The following NGLY1 variants were observed in gnomAD, a reference collection of about 807,000 sequenced individuals.
The protein encoded by NGLY1 is peptide-N(4)-(N-acetyl-beta-glucosaminyl)asparagine amidase.
A neutral mutation model predicts 84.6 loss-of-function variants in NGLY1; 68 were observed. The observed-to-expected ratio is 0.80, with a 90% confidence interval of 0.66 to 0.98. NGLY1 has a LOEUF of 0.98. Ranked by LOEUF, NGLY1 falls within the 50% of genes least tolerant of loss-of-function variation. The pLI, the probability that NGLY1 is intolerant of heterozygous loss-of-function variation, is 0.00. For synonymous variants in NGLY1, 280 were observed against 275.2 expected, an observed-to-expected ratio of 1.02 and a Z score of -0.17; for missense variants, 779 against 770.2, an observed-to-expected ratio of 1.01 and a Z score of -0.14.
At chr3:25,769,814 A>G (rs1290886728) in intron 2 of NGLY1, among the ~76,000 whole-genome samples, 2 of 151,828 alleles carry the variant, frequency 1.3e-5, no homozygotes, top group Non-Finnish European at 2.9e-5. Flanking sequence ...TTTTATTTCA[A>G]TAGGTTTTTG....
chr3:25,769,701 C>T (rs2968162), intron 2 of NGLY1, among the ~76,000 whole-genome samples: 124,224 of 152,134 alleles, frequency 0.82, 51,077 homozygotes, highest in East Asian at 0.94. Flanking sequence ...GCTAGGCACA[C>T]ATCCAAAAAA....
chr3:25,789,639 C>A (rs1200277034), intron 1 of NGLY1: 12 of 597,496 alleles, frequency 2.0e-5, no homozygotes, highest in Non-Finnish European at 3.3e-5. Flanking sequence ...ACAAGATACA[C>A]AACAAATTTC....
chr3:25,772,028 CTT>C (rs1170297367), intron 2 of NGLY1, among the ~76,000 whole-genome samples: 3 of 152,116 alleles, frequency 2.0e-5, no homozygotes, highest in East Asian at 1.9e-4. Flanking sequence ...ATTTCTTTCT[CTT>C]GTCTGACTGC....
At chr3:25,754,770 CATT>C (rs1423024662) in intron 3 of NGLY1, among the ~76,000 whole-genome samples, 1 of 141,146 alleles carries the variant, frequency 7.1e-6, no homozygotes, top group Non-Finnish European at 1.5e-5. Context: ...GAAAAGAACA[CATT>C]AGAGATGACT....
intron 2 of NGLY1, among the ~76,000 whole-genome samples, chr3:25,768,561 C>CTT (rs752193155): frequency 2.5e-4 from 29 of 116,308 alleles, no homozygotes; most frequent in South Asian, 9.2e-4. Context: ...ATAAGTAAGA[C>CTT]TTTTTTTTTT....
exon 1 of NGLY1, chr3:25,789,952 C>G: frequency 6.6e-7 from 1 of 1,506,338 alleles, no homozygotes. Flanking sequence ...TACCCAGCCG[C>G]CTCCCACGGT....
chr3:25,760,771 A>G (rs1707276348), intron 3 of NGLY1, among the ~76,000 whole-genome samples: 1 of 151,572 alleles, frequency 6.6e-6, no homozygotes, highest in Non-Finnish European at 1.5e-5. Flanking sequence ...GAGGCAGGAG[A>G]ATCACTTGAA....
chr3:25,782,061 C>G (rs186354169), intron 1 of NGLY1, among the ~76,000 whole-genome samples: 1 of 152,342 alleles, frequency 6.6e-6, no homozygotes, highest in East Asian at 1.9e-4. Flanking sequence ...GGTCCCCACA[C>G]AGGTCACAAT....
intron 10 of NGLY1, among the ~76,000 whole-genome samples, chr3:25,727,177 T>G (rs1705307638): frequency 6.6e-6 from 1 of 152,200 alleles, no homozygotes; most frequent in Admixed American, 6.5e-5. Flanking sequence ...GTTATCACTC[T>G]CTACAAGTAA....
chr3:25,724,308 C>T (rs772355965), intron 10 of NGLY1, among the ~76,000 whole-genome samples: 11 of 152,154 alleles, frequency 7.2e-5, no homozygotes, highest in Non-Finnish European at 1.5e-4. Context: ...CCCTGAAGTC[C>T]GTCATTCCCA....
In NGLY1 at chr3:25,761,835, A is replaced by G. The variant is rs533980778; in HGVS notation, c.492+2231T>C. 2.1e-4 allele frequency among the ~76,000 whole-genome samples: 32 copies of G among 152,300 alleles called. No homozygotes were observed. The South Asian group carries it at 6.4e-3, about 31-fold the overall frequency. On this transcript the variant is annotated intron_variant, in intron 3 of 11. Transcript: ENST00000280700. ...GTCCATCAACTGATGAATGGAAACA[A>G]TATGTGGCATATCCTTAAAATGGAA...
rs1708493746 is a variant in NGLY1 at position 25,783,071 on chromosome 3, G to A, written c.131+189C>T. 1.8e-6 allele frequency: 1 copy of A among 549,592 alleles called. No individual in the cohort carries two copies. Among genetic ancestry groups the A allele is most frequent in the South Asian group, 2.3e-5 (1 of 44,300 alleles). The allele number at this position is 549,592 out of a possible 1,614,324, so 34.0% of individuals were successfully genotyped here. On this transcript the variant is annotated intron_variant, in intron 1 of 11. Transcript: ENST00000280700. The surrounding 1 kb of genome is among the most constrained non-coding windows in gnomAD (Gnocchi z 4.5). ...AACTTCCTTTTCTCGAGCGGGGGTG[G>A]GACTTGGCCGGGTCCCGAGGCCCCT...
intron 2 of NGLY1, among the ~76,000 whole-genome samples, chr3:25,773,998 T>C (rs1708025886): frequency 1.3e-5 from 2 of 152,206 alleles, no homozygotes; most frequent in African/African-American, 4.8e-5. Flanking sequence ...TAGATACCAG[T>C]ACCTACTCTG....
intron 2 of NGLY1, among the ~76,000 whole-genome samples, chr3:25,770,481 T>C (rs1300849829): frequency 1.3e-5 from 2 of 152,224 alleles, no homozygotes; most frequent in Non-Finnish European, 2.9e-5. Context: ...TGTTGACTGA[T>C]GGATTGATTC....
At chr3:25,748,309 G>A (rs1052157977) in intron 4 of NGLY1, among the ~76,000 whole-genome samples, 2 of 152,034 alleles carry the variant, frequency 1.3e-5, no homozygotes, top group Non-Finnish European at 2.9e-5. Context: ...ACAACTAAAC[G>A]AACACCAAGC....
rs1023362606 is a variant in NGLY1, at chr3:25,764,104, G to A, written c.454C>T (p.Arg152Cys). 8 of 1,614,026 alleles carry A rather than the reference G, an allele frequency of 5.0e-6. No individual in the cohort carries two copies. Among genetic ancestry groups the A allele is most frequent in the South Asian group, 1.1e-5 (1 of 91,084 alleles). The change falls in exon 3 of 12, where the codon CGT becomes TGT. Residue 152 changes from arginine to cysteine, a missense_variant. By Grantham distance (180) the Arg-to-Cys change is radical. Coordinates refer to ENST00000280700, the MANE Select transcript of NGLY1 (RefSeq NM_018297.4). ...GGTGGATCTGATGACTGCCCTTGAC[G>A]GTTCCTTGTGTGCTGGTTTAACCCA... The part of the protein sequence containing the change: ...PSGLNQHTRN[R>C]QGQSSDPPSA...
intron 4 of NGLY1, chr3:25,749,476 C>G (rs1340450203): frequency 6.9e-7 from 1 of 1,455,460 alleles, no homozygotes; most frequent in Non-Finnish European, 9.5e-7. Context: ...CAGCCATCTC[C>G]TCTTCGGCCT....
chr3:25,773,113 T>C (rs752518908), intron 2 of NGLY1, among the ~76,000 whole-genome samples: 4 of 152,220 alleles, frequency 2.6e-5, no homozygotes, highest in Non-Finnish European at 4.4e-5. Flanking sequence ...GCCTAGGTGA[T>C]GATCTTTTTG....
At chr3:25,769,797 T>A (rs183955832) in intron 2 of NGLY1, among the ~76,000 whole-genome samples, 140 of 152,300 alleles carry the variant, frequency 9.2e-4, no homozygotes, top group Middle Eastern at 3.4e-3. Flanking sequence ...TTTTATTTAA[T>A]TCTTTTTTTT....
Sources: gnomAD v4.1 joint callset for allele counts (sites outside exome capture counted in the v4.1 genomes callset) on GRCh38, gnomAD v4.1.1 for gene constraint, Gnocchi (gnomAD v3.1) non-coding constraint, MANE v1.5 for transcripts, NCBI Gene and HGNC (gene_info 2026-07-23, HGNC 2026-07-21) for gene names.